The following FBN3 variants were observed in gnomAD, a reference collection of about 807,000 sequenced individuals.
FBN3 encodes the protein fibrillin 3.
In FBN3, 234 loss-of-function variants were observed where a neutral mutation model predicts 330.1. The ratio of observed to expected loss-of-function variants is 0.71; its 90% CI spans 0.64 to 0.79. FBN3 has a LOEUF of 0.79. FBN3 is among the 30% of genes least tolerant of loss of function. FBN3 has a pLI of 0.00. For missense variants in FBN3, 3,606 were observed against 3,886.9 expected, an observed-to-expected ratio of 0.93 and a Z score of 1.92; for synonymous variants, 1,458 against 1,517.3, an observed-to-expected ratio of 0.96 and a Z score of 0.91.
intron 61 of FBN3, among the ~76,000 whole-genome samples, chr19:8,073,626 C>T (rs2081573904): frequency 6.6e-6 from 1 of 152,226 alleles, no homozygotes; most frequent in Non-Finnish European, 1.5e-5. Flanking sequence ...CACTGTGGGA[C>T]ATTGAACAGC....
At chr19:8,119,201 G>C (rs2082780871) in intron 25 of FBN3, among the ~76,000 whole-genome samples, 179 bp from the exon 26 acceptor site, 1 of 152,204 alleles carries the variant, frequency 6.6e-6, no homozygotes, top group South Asian at 2.1e-4. Context: ...TGCACCAGGA[G>C]CAGAGACCAG....
intron 22 of FBN3, among the ~76,000 whole-genome samples, chr19:8,124,878 A>G (rs1196687105): frequency 6.6e-6 from 1 of 152,206 alleles, no homozygotes; most frequent in African/African-American, 2.4e-5. Context: ...GTATGACACT[A>G]CAATGGTGAA....
chr19:8,111,321 A>G, intron 32 of FBN3, 138 bp from the exon 33 acceptor site: 1 of 1,136,446 alleles, frequency 8.8e-7, no homozygotes, highest in Non-Finnish European at 1.2e-6. Context: ...TCAGTCCCTG[A>G]CTTGGGGGTG....
intron 6 of FBN3, among the ~76,000 whole-genome samples, chr19:8,143,780 A>ATG: frequency 6.7e-6 from 1 of 149,098 alleles, no homozygotes; most frequent in African/African-American, 2.5e-5. Flanking sequence ...GGCATGAGCC[A>ATG]CAGTGCCTGG....
intron 1 of FBN3, 67 bp from the exon 2 acceptor site, chr19:8,147,564 A>G: frequency 7.6e-7 from 1 of 1,323,442 alleles, no homozygotes; most frequent in Non-Finnish European, 9.9e-7. Context: ...ACCCAACACA[A>G]CGAGGAGGGC....
At chr19:8,086,549 C>T (rs967328580) in intron 54 of FBN3, among the ~76,000 whole-genome samples, 12 of 151,192 alleles carry the variant, frequency 7.9e-5, no homozygotes, top group Admixed American at 2.6e-4. Context: ...GTCCACCTCC[C>T]GGGTTCAAGA....
chr19:8,082,301 C>A (rs2081808819), intron 57 of FBN3, among the ~76,000 whole-genome samples: 1 of 126,884 alleles, frequency 7.9e-6, no homozygotes, highest in Admixed American at 8.0e-5. Context: ...CCCTTTCTCT[C>A]TTTCTCCCTT....
At chr19:8,075,464 C>A in intron 59 of FBN3, 53 bp from the exon 60 acceptor site, 2 of 1,575,772 alleles carry the variant, frequency 1.3e-6, no homozygotes, top group South Asian at 2.3e-5. Flanking sequence ...GAACTCGTGT[C>A]AGGTGACACA....
chr19:8,074,743 C>T (rs1230178100), intron 61 of FBN3: 2 of 276,684 alleles, frequency 7.2e-6, no homozygotes, highest in East Asian at 7.7e-5. Context: ...GCAGACATCA[C>T]TAATCACACT....
chr19:8,086,975 G>C lies in FBN3; in HGVS notation c.6754+102C>G, dbSNP rs562613990. 11 of 1,415,290 alleles carry C rather than the reference G, an allele frequency of 7.8e-6. No individual in the cohort carries two copies. In the Admixed American group the frequency reaches 2.8e-4, roughly 36 times the overall value. The allele number at this position is 1,415,290 out of a possible 1,614,324, so 87.7% of individuals were successfully genotyped here. On this transcript the variant is annotated intron_variant, in intron 54 of 63. Transcript: ENST00000600128. ...CTCGCCTCAGCCTCCCAAAGTGCTG[G>C]GATGACAGGTATGAGTCACCGTGCC...
chr19:8,108,063 C>T (rs2082487368), intron 37 of FBN3, 107 bp downstream of exon 37: 1 of 874,976 alleles, frequency 1.1e-6, no homozygotes, highest in South Asian at 1.7e-5. Flanking sequence ...AAAGATCTGC[C>T]CCATCCCAGG....
intron 8 of FBN3, among the ~76,000 whole-genome samples, chr19:8,141,153 C>T (rs1568457253): frequency 7.0e-6 from 1 of 142,070 alleles, no homozygotes; most frequent in Non-Finnish European, 1.5e-5. Flanking sequence ...CGAGATCGCG[C>T]CACTGCACTC....
rs1355685904 is a variant in FBN3, at chr19:8,116,725, A to G, written c.3661T>C (p.Cys1221Arg). The change falls in exon 29 of 64, where the codon TGC becomes CGC. Residue 1221 changes from cysteine to arginine, a missense_variant. By Grantham distance (180) the Cys-to-Arg change is radical (BLOSUM62 -3). Transcript: ENST00000600128. ...GCCATGAAGCCATCATAGCACAGGC[A>G]GCGGTGACCCCCTGGCATGTTGGTG... The part of the protein sequence containing the change: ...HCTNMPGGHR[C>R]LCYDGFMATP... 6.2e-7 allele frequency: 1 copy of G among 1,613,464 alleles called. No individual in the cohort carries two copies. Among genetic ancestry groups the G allele is most frequent in the South Asian group, 1.1e-5 (1 of 91,046 alleles).
Position 8,121,448 on chromosome 19 carries a change from A to G in FBN3, c.3083-62T>C, listed in dbSNP as rs1399862213. The G allele has an allele frequency of 6.8e-7, 1 of 1,476,060 alleles. No homozygotes were observed. Among genetic ancestry groups the G allele is most frequent in the Non-Finnish European group, 9.1e-7 (1 of 1,101,856 alleles). 91.4% of individuals were successfully genotyped at this position (1,476,060 alleles called of 1,614,324 possible). A position where few individuals can be genotyped will look rare whatever the true frequency, so the allele number is the denominator to read the frequency against. On this transcript the variant is annotated intron_variant, in intron 24 of 63. Transcript: ENST00000600128. The surrounding 1 kb of genome is among the most constrained non-coding windows in gnomAD (Gnocchi z 4.5). ...TGGGCCGCATCATGGGGCACGAGGC[A>G]GGGGGGTCCCTGTCCTTTGATGGAG...
In FBN3 at chr19:8,086,984, GT is replaced by G. The variant is rs1455060936; in HGVS notation, c.6754+92del. On this transcript the variant is annotated intron_variant, in intron 54 of 63. Coordinates refer to ENST00000600128, the MANE Select transcript of FBN3 (RefSeq NM_032447.5). ...GCCTCCCAAAGTGCTGGGATGACAGGTATGAGTCACCGTGCCCGGTCCAACC... is the reference window on the plus strand; with the variant it reads ...GCCTCCCAAAGTGCTGGGATGACAGGATGAGTCACCGTGCCCGGTCCAACC... 5 of 1,459,754 alleles carry G rather than the reference GT, an allele frequency of 3.4e-6. No homozygotes were observed. In the African/African-American group the frequency reaches 5.8e-5, roughly 17 times the overall value. The allele number at this position is 1,459,754 out of a possible 1,614,324, so 90.4% of individuals were successfully genotyped here. A position where few individuals can be genotyped will look rare whatever the true frequency, so the allele number is the denominator to read the frequency against.
Position 8,114,804 on chromosome 19 carries a change from C to A in FBN3, c.3838+711G>T, listed in dbSNP as rs543277741. 6.6e-5 allele frequency among the ~76,000 whole-genome samples: 10 copies of A among 151,600 alleles called. 1 individual carries two copies. The highest frequency in any genetic ancestry group is 2.4e-4 in the African/African-American group (10 of 41,310). ...TCACCCAGGCTGGAGTGCAGTGGCT[C>A]GACCTCGGCTCACTGCAAGCTTCGC... On this transcript the variant is annotated intron_variant, in intron 30 of 63. Transcript: ENST00000600128.
chr19:8,097,063 C>T (rs2144734053), intron 42 of FBN3, 57 bp from the exon 43 acceptor site: 1 of 1,588,210 alleles, frequency 6.3e-7, no homozygotes, highest in South Asian at 1.1e-5. Context: ...CTGACAGAAT[C>T]AAACGTGAAA....
intron 22 of FBN3, among the ~76,000 whole-genome samples, chr19:8,124,972 A>G (rs1034979698): frequency 7.2e-5 from 11 of 152,238 alleles, no homozygotes; most frequent in Non-Finnish European, 1.3e-4. Context: ...GGACTTAGAG[A>G]TGACAATGCT....
rs774390385 is a variant in FBN3, at chr19:8,096,430, G to A, written c.5539+14C>T. 4 of 1,609,122 alleles carry A rather than the reference G, an allele frequency of 2.5e-6. No homozygotes were observed. Among genetic ancestry groups the A allele is most frequent in the Non-Finnish European group, 2.5e-6 (3 of 1,177,162 alleles). On this transcript the variant is annotated intron_variant, in intron 44 of 63. Transcript: ENST00000600128. This position sits in a 1 kb window ranked among gnomAD's most constrained non-coding sequence, Gnocchi z 4.6. The stretch of plus-strand genomic sequence containing the variant: ...AGCCTGGCTTGAAAAGGAGGGGGAA[G>A]ATAAGGGTCTCACCCATGCACAGGG...
Sources: gnomAD v4.1 joint callset for allele counts (sites outside exome capture counted in the v4.1 genomes callset) on GRCh38, gnomAD v4.1.1 for gene constraint, Gnocchi (gnomAD v3.1) non-coding constraint, MANE v1.5 for transcripts, NCBI Gene and HGNC (gene_info 2026-07-23, HGNC 2026-07-21) for gene names.